Variants in DLG2 observed in about 807,000 individuals in gnomAD.
DLG2 encodes discs large MAGUK scaffold protein 2.
Under a neutral mutation model 132.5 loss-of-function variants are expected in DLG2, and 45 were observed. The observed-to-expected ratio is 0.34, with a 90% CI of 0.27 to 0.44. DLG2 has a LOEUF of 0.44. DLG2 is among the 20% of genes least tolerant of loss of function. DLG2 has a pLI of 1.00. For synonymous variants in DLG2, 424 were observed against 419.6 expected, an observed-to-expected ratio of 1.01 and a Z score of -0.13; for missense variants, 1,045 against 1,196.9, an observed-to-expected ratio of 0.87 and a Z score of 1.87.
At chr11:85,452,571 A>C in intron 3 of DLG2, 1 of 202,312 alleles carries the variant, frequency 4.9e-6, no homozygotes, top group Non-Finnish European at 1.1e-5. Flanking sequence ...CATAACTAGA[A>C]TGTACCCTCC....
chr11:84,312,901 C>T (rs1488139526), intron 7 of DLG2, among the ~76,000 whole-genome samples: 1 of 152,062 alleles, frequency 6.6e-6, no homozygotes, highest in African/African-American at 2.4e-5. Flanking sequence ...CCTCCACCTC[C>T]TGGGTTCAAG....
chr11:84,942,614 T>A lies in DLG2; in HGVS notation c.357+169047A>T, dbSNP rs79649695. On this transcript the variant is annotated intron_variant, in intron 6 of 27. Coordinates refer to ENST00000376104, the MANE Select transcript of DLG2 (RefSeq NM_001142699.3). ...TTTAAATTATTACAATTTTTTAAAA[T>A]TTTTTAAGGCTTGTTTCATGGCCCA... Among the ~76,000 whole-genome samples, 158 of 152,230 alleles carry A rather than the reference T, an allele frequency of 1.0e-3. No homozygotes were observed. The East Asian group carries it at 0.026, about 25-fold the overall frequency.
rs575993881 is a variant in DLG2 at position 84,964,553 on chromosome 11, T to C, written c.357+147108A>G. Among the ~76,000 whole-genome samples the C allele has an allele frequency of 2.0e-5, 3 of 152,298 alleles. No homozygotes were observed. The South Asian group carries it at 6.2e-4, about 32-fold the overall frequency. ...ATGAAGATCCTATAATATTGTTTGCTTTGCTATACATGGAGAAAATAAAGT... is the reference window on the plus strand; with the variant it reads ...ATGAAGATCCTATAATATTGTTTGCCTTGCTATACATGGAGAAAATAAAGT... On this transcript the variant is annotated intron_variant, in intron 6 of 27. Coordinates refer to ENST00000376104, the MANE Select transcript of DLG2 (RefSeq NM_001142699.3).
intron 16 of DLG2, among the ~76,000 whole-genome samples, chr11:83,870,898 G>A (rs12361034): frequency 0.3 from 46,278 of 152,010 alleles, 7,715 homozygotes; most frequent in African/African-American, 0.42. Flanking sequence ...GTGGCAACTC[G>A]GGAGACATAA....
intron 7 of DLG2, among the ~76,000 whole-genome samples, chr11:84,258,239 T>G (rs1401517953): frequency 6.6e-6 from 1 of 152,106 alleles, no homozygotes; most frequent in Non-Finnish European, 1.5e-5. Context: ...ATTGACTGAT[T>G]AAAGACACAT....
intron 7 of DLG2, among the ~76,000 whole-genome samples, chr11:84,415,428 T>C (rs529706247): frequency 1.3e-5 from 2 of 152,338 alleles, no homozygotes; most frequent in East Asian, 1.9e-4. Context: ...AGCACTAATA[T>C]AGAAGTTTTC....
intron 11 of DLG2, among the ~76,000 whole-genome samples, chr11:83,988,316 T>C (rs1010508802): frequency 2.6e-5 from 4 of 152,184 alleles, no homozygotes; most frequent in African/African-American, 9.6e-5. Flanking sequence ...GTACAAGGTA[T>C]AAGGAAGGGA....
chr11:84,151,917 A>G (rs1252163488), intron 9 of DLG2, among the ~76,000 whole-genome samples: 1 of 152,166 alleles, frequency 6.6e-6, no homozygotes, highest in Non-Finnish European at 1.5e-5. Flanking sequence ...TATGTTTGGT[A>G]TGATTTTTAT....
intron 4 of DLG2, among the ~76,000 whole-genome samples, chr11:85,282,236 G>T (rs1171961633): frequency 6.6e-6 from 1 of 151,732 alleles, no homozygotes; most frequent in African/African-American, 2.4e-5. Flanking sequence ...GAATAAAGAA[G>T]AGATGGATAA....
chr11:84,948,804 T>C (rs1038006737), intron 6 of DLG2, among the ~76,000 whole-genome samples: 14 of 152,212 alleles, frequency 9.2e-5, no homozygotes, highest in Non-Finnish European at 5.9e-5. Flanking sequence ...CCTTGGTAAG[T>C]TACATCATTT....
At chr11:84,655,128 T>C (rs2099686627) in intron 6 of DLG2, among the ~76,000 whole-genome samples, 1 of 152,226 alleles carries the variant, frequency 6.6e-6, no homozygotes, top group Admixed American at 6.5e-5. Flanking sequence ...ATCTTTGATA[T>C]ATGAAAGGCT....
chr11:84,477,479 G>A (rs7936695), intron 7 of DLG2, among the ~76,000 whole-genome samples: 10,826 of 152,058 alleles, frequency 0.071, 1,304 homozygotes, highest in African/African-American at 0.25. Context: ...TGGGCAACAA[G>A]AGAGAAAATC....
chr11:85,320,041 CT>C (rs1315477064), intron 3 of DLG2, among the ~76,000 whole-genome samples: 2 of 151,858 alleles, frequency 1.3e-5, no homozygotes, highest in African/African-American at 4.8e-5. Context: ...TTAAACCATG[CT>C]CTTTGAGCCT....
chr11:85,578,516 A>G (rs1376135610), intron 3 of DLG2, among the ~76,000 whole-genome samples: 1 of 152,234 alleles, frequency 6.6e-6, no homozygotes, highest in African/African-American at 2.4e-5. Context: ...AATACTCAGC[A>G]TCTATAAGGA....
chr11:83,984,435 T>C (rs1050808204), intron 11 of DLG2, among the ~76,000 whole-genome samples: 1 of 152,154 alleles, frequency 6.6e-6, no homozygotes, highest in Non-Finnish European at 1.5e-5. Context: ...CAATTAAAAT[T>C]TATTTAACAC....
chr11:85,451,289 C>T (rs1190397060), intron 3 of DLG2, among the ~76,000 whole-genome samples: 2 of 152,152 alleles, frequency 1.3e-5, no homozygotes, highest in Non-Finnish European at 2.9e-5. Flanking sequence ...TATCTTAAAT[C>T]AACCCACTTC....
At chr11:84,277,871 C>T (rs1183154572) in intron 7 of DLG2, among the ~76,000 whole-genome samples, 1 of 151,956 alleles carries the variant, frequency 6.6e-6, no homozygotes, top group Non-Finnish European at 1.5e-5. Context: ...TCCTACAATC[C>T]TACAAACATG....
At chr11:84,421,994 G>C (rs1376524562) in intron 7 of DLG2, among the ~76,000 whole-genome samples, 1 of 152,152 alleles carries the variant, frequency 6.6e-6, no homozygotes, top group Non-Finnish European at 1.5e-5. Flanking sequence ...GTTGAGTCTA[G>C]AGACCTCTAT....
At chr11:84,133,812 T>C (rs969194215) in intron 9 of DLG2, among the ~76,000 whole-genome samples, 2 of 152,160 alleles carry the variant, frequency 1.3e-5, no homozygotes, top group African/African-American at 4.8e-5. Context: ...AAATATTTCA[T>C]ATATTTCATA....
Sources: gnomAD v4.1 joint callset for allele counts (sites outside exome capture counted in the v4.1 genomes callset) on GRCh38, gnomAD v4.1.1 for gene constraint, MANE v1.5 for transcripts, NCBI Gene and HGNC (gene_info 2026-07-23, HGNC 2026-07-21) for gene names.